The following ARID1B variants were observed in gnomAD, a reference collection of about 807,000 sequenced individuals.
ARID1B encodes AT-rich interaction domain 1B, also known as AT-rich interactive domain-containing protein 1B.
ARID1B carries 30 observed loss-of-function variants against 212.3 expected under a neutral mutation model. That is an observed-to-expected ratio of 0.14 (90% CI 0.11 to 0.19). The LOEUF (loss-of-function observed/expected upper bound fraction) is 0.19. Among genes scored for constraint, ARID1B ranks in the 10% least tolerant of loss-of-function variants. The pLI is 1.00. For synonymous variants in ARID1B, 1,402 were observed against 1,301.7 expected (o/e 1.08, Z -1.66); for missense variants, 2,891 against 3,204.0 (o/e 0.90, Z 2.36).
rs1051017338 is a variant in ARID1B at position 157,200,870 on chromosome 6, C to T, written c.4645C>T (p.Pro1549Ser). Residue 1549 changes from proline (P) to serine (S), a missense_variant, in exon 18 of 20, where the codon CCC (proline) becomes TCC (serine). By Grantham distance (74) the Pro-to-Ser change is moderately conservative. Coordinates refer to ENST00000636930, the MANE Select transcript of ARID1B (RefSeq NM_001374828.1). This position sits in a 1 kb window ranked among gnomAD's most constrained non-coding sequence, Gnocchi z 4.3. ...GCCCATCCAGGGCCAGTACCCGTAT[C>T]CCTACAGCAGGGAGAGGATGCAGGG... The part of the protein sequence containing the change: ...RRPIQGQYPY[P>S]YSRERMQGPG... 3 of 1,614,042 alleles carry T rather than the reference C, an allele frequency of 1.9e-6. No homozygotes were observed. The highest frequency in any genetic ancestry group is 1.7e-6 in the Non-Finnish European group (2 of 1,180,030).
At chr6:156,835,020 G>T (rs1295106612) in intron 2 of ARID1B, among the ~76,000 whole-genome samples, 1 of 151,992 alleles carries the variant, frequency 6.6e-6, no homozygotes, top group Non-Finnish European at 1.5e-5. Context: ...GGACCACGAG[G>T]TCAGGAGATA....
At chr6:156,820,553 T>A (rs190137795) in intron 1 of ARID1B, among the ~76,000 whole-genome samples, 9 of 152,298 alleles carry the variant, frequency 5.9e-5, no homozygotes, top group Admixed American at 1.3e-4. Context: ...ATTTAGGAAG[T>A]TCTTTTTATG....
In ARID1B at chr6:157,206,244, T is replaced by C; in HGVS notation, c.5472T>C (p.Tyr1824=). 6.2e-7 allele frequency: 1 copy of C among 1,614,184 alleles called. No homozygotes were observed. The highest frequency in any genetic ancestry group is 8.5e-7 in the Non-Finnish European group (1 of 1,180,044). ...LIDIFGILME[Y]EVGDPSQKAL... is the part of the protein sequence containing the mutation. The stretch of plus-strand genomic sequence containing the variant: ...ACATTTTTGGAATTCTTATGGAATA[T>C]GAAGTGGGAGACCCCAGCCAAAAAG... The change falls in exon 20 of 20, where the codon TAT becomes TAC. Residue 1824 remains tyrosine (Y), a synonymous_variant. Coordinates refer to ENST00000636930, the MANE Select transcript of ARID1B (RefSeq NM_001374828.1). This position sits in a 1 kb window ranked among gnomAD's most constrained non-coding sequence, Gnocchi z 6.8.
chr6:156,808,946 C>T (rs778247664), intron 1 of ARID1B, among the ~76,000 whole-genome samples: 5 of 152,250 alleles, frequency 3.3e-5, no homozygotes, highest in Non-Finnish European at 7.4e-5. Context: ...ATCTGTGTGA[C>T]TCTAATTAAA....
intron 1 of ARID1B, among the ~76,000 whole-genome samples, chr6:156,801,196 C>CTTTTT (rs397887993): frequency 1.9e-5 from 2 of 105,936 alleles, no homozygotes; most frequent in Non-Finnish European, 3.8e-5. Flanking sequence ...CTTGAATAAT[C>CTTTTT]TTTTTTTTTT....
rs1220653612 is a variant in ARID1B at position 157,206,269 on chromosome 6, G to T, written c.5497G>T (p.Ala1833Ser). 1 of 1,614,190 alleles carries T rather than the reference G, an allele frequency of 6.2e-7. No individual in the cohort carries two copies. The highest frequency in any genetic ancestry group is 1.1e-5 in the South Asian group (1 of 91,082). The change falls in exon 20 of 20, where the codon GCA becomes TCA. Residue 1833 changes from alanine to serine, a missense_variant. By Grantham distance (99) the Ala-to-Ser change is moderately conservative. Coordinates refer to ENST00000636930, the MANE Select transcript of ARID1B (RefSeq NM_001374828.1). The surrounding 1 kb of genome is among the most constrained non-coding windows in gnomAD (Gnocchi z 6.8). The part of the protein sequence containing the change: ...EYEVGDPSQK[A>S]LDHNAARKDD... ...TGAAGTGGGAGACCCCAGCCAAAAAGCACTTGATCACAACGCAGCAAGGAA... is the reference window on the plus strand; with the variant it reads ...TGAAGTGGGAGACCCCAGCCAAAAATCACTTGATCACAACGCAGCAAGGAA...
intron 8 of ARID1B, chr6:157,150,438 G>C (rs917888920): frequency 2.0e-5 from 3 of 152,480 alleles, no homozygotes; most frequent in African/African-American, 7.2e-5. Flanking sequence ...GAGTTTAAAT[G>C]GGGGCTGTAT....
At chr6:156,893,045 C>CTTTTCTTTTTTTTTTTTTTTTTTTTTT (rs1554263985) in intron 2 of ARID1B, among the ~76,000 whole-genome samples, 5 of 85,922 alleles carry the variant, frequency 5.8e-5, no homozygotes, top group African/African-American at 1.9e-4. Context: ...TTTTTTCTTC[C>CTTTTCTTTTTTTTTTTTTTTTTTTTTT]TTTTTTTTTT....
At chr6:156,872,824 G>A (rs1383973793) in intron 2 of ARID1B, among the ~76,000 whole-genome samples, 5 of 152,114 alleles carry the variant, frequency 3.3e-5, no homozygotes, top group African/African-American at 4.8e-5. Context: ...GCCTGCTGGC[G>A]TGGTCATTGG....
chr6:156,906,244 G>A (rs912278449), intron 3 of ARID1B, among the ~76,000 whole-genome samples: 5 of 152,022 alleles, frequency 3.3e-5, no homozygotes, highest in African/African-American at 1.2e-4. Flanking sequence ...GGATTGAAGT[G>A]GGGCAGGGTT....
At chr6:156,856,243 G>A (rs1583167294) in intron 2 of ARID1B, among the ~76,000 whole-genome samples, 1 of 152,174 alleles carries the variant, frequency 6.6e-6, no homozygotes, top group African/African-American at 2.4e-5. Context: ...CAGCAAATAC[G>A]TTCCACTATA....
At chr6:157,171,594 T>G (rs1451370960) in intron 9 of ARID1B, among the ~76,000 whole-genome samples, 4 of 152,226 alleles carry the variant, frequency 2.6e-5, no homozygotes, top group Non-Finnish European at 5.9e-5. Flanking sequence ...AAACATACAT[T>G]TTATAAGGTA....
chr6:157,162,211 T>C (rs1790992956), intron 8 of ARID1B, among the ~76,000 whole-genome samples: 1 of 152,248 alleles, frequency 6.6e-6, no homozygotes. Flanking sequence ...ATCAAAATTA[T>C]TTTAAATTTT....
At chr6:156,854,571 A>G (rs796296570) in intron 2 of ARID1B, among the ~76,000 whole-genome samples, 7 of 152,320 alleles carry the variant, frequency 4.6e-5, no homozygotes, top group African/African-American at 1.7e-4. Flanking sequence ...AGCTTTCAAA[A>G]TTGACAAAAT....
At chr6:157,172,106 A>G (rs1313757983) in intron 9 of ARID1B, among the ~76,000 whole-genome samples, 1 of 152,204 alleles carries the variant, frequency 6.6e-6, no homozygotes, top group East Asian at 1.9e-4. Flanking sequence ...GTGGACTCGC[A>G]TACATAAGCC....
chr6:156,996,060 G>A (rs1778569996), intron 4 of ARID1B, among the ~76,000 whole-genome samples: 1 of 152,046 alleles, frequency 6.6e-6, no homozygotes, highest in African/African-American at 2.4e-5. Flanking sequence ...CAACAGTAAG[G>A]GCTAAATCCT....
chr6:157,048,700 C>T (rs1782397627), intron 4 of ARID1B, among the ~76,000 whole-genome samples: 1 of 152,136 alleles, frequency 6.6e-6, no homozygotes, highest in African/African-American at 2.4e-5. Context: ...ATCTTGTTTG[C>T]TTTGTTGTCA....
chr6:156,943,277 T>A (rs1165939614), intron 4 of ARID1B: 1 of 152,216 alleles, frequency 6.6e-6, no homozygotes, highest in Non-Finnish European at 1.5e-5. Context: ...GCCTTCAATT[T>A]TCCGTGAATA....
At chr6:156,891,902 C>T (rs1168615280) in intron 2 of ARID1B, among the ~76,000 whole-genome samples, 1 of 145,452 alleles carries the variant, frequency 6.9e-6, no homozygotes, top group Non-Finnish European at 1.5e-5. Flanking sequence ...GACGGAGTCT[C>T]ACACTTTCCC....
Sources: allele counts gnomAD v4.1 joint callset (sites outside exome capture counted in the v4.1 genomes callset), GRCh38; gene constraint gnomAD v4.1.1; non-coding constraint Gnocchi (gnomAD v3.1); transcripts MANE v1.5; gene names NCBI Gene and HGNC (gene_info 2026-07-23, HGNC 2026-07-21).